Variants in GPHN observed in about 807,000 individuals in gnomAD.
GPHN encodes gephyrin.
GPHN carries 17 observed loss-of-function variants against 95.5 expected under a neutral mutation model. That is an observed-to-expected ratio of 0.18 (90% CI 0.12 to 0.27). The LOEUF is 0.27. Ranked by LOEUF, GPHN falls within the 10% of genes least tolerant of loss-of-function variation. GPHN has a pLI of 1.00. For missense variants in GPHN, 660 were observed against 978.1 expected, an observed-to-expected ratio of 0.67 and a Z score of 4.34; for synonymous variants, 320 against 322.5, an observed-to-expected ratio of 0.99 and a Z score of 0.08.
At chr14:66,812,406 A>G (rs1364356956) in intron 3 of GPHN, among the ~76,000 whole-genome samples, 1 of 152,254 alleles carries the variant, frequency 6.6e-6, no homozygotes, top group Non-Finnish European at 1.5e-5. Flanking sequence ...TCACAAAGAA[A>G]CAAGTGAACA....
At chr14:67,712,493 C>CAAAA in the GPHN span, among the ~76,000 whole-genome samples, 38 of 38,914 alleles carry the variant, frequency 9.8e-4, no homozygotes, top group East Asian at 2.7e-3. Context: ...AAAAAACTTG[C>CAAAA]AAAAAAAAAA....
chr14:67,592,752 G>A, the GPHN span: 14 of 1,238,646 alleles, frequency 1.1e-5, no homozygotes, highest in Non-Finnish European at 1.4e-5. Context: ...CAAAGTCTAA[G>A]TGAAACTCAT....
chr14:67,382,341 T>G, the GPHN span: 2 of 1,043,878 alleles, frequency 1.9e-6, no homozygotes, highest in Non-Finnish European at 1.4e-6. Flanking sequence ...GCAATTACGT[T>G]TTGGGGTGAT....
intron 13 of GPHN, 21 bp from the exon 14 acceptor site, chr14:67,110,119 C>T: frequency 6.2e-7 from 1 of 1,611,522 alleles, no homozygotes; most frequent in Non-Finnish European, 8.5e-7. Context: ...CATCAACTGT[C>T]TTTTTCATCT....
Position 66,785,762 on chromosome 14 carries a change from A to G in GPHN, c.201+9241A>G, listed in dbSNP as rs115745986. Among the ~76,000 whole-genome samples the G allele has an allele frequency of 4.8e-3, 732 of 152,084 alleles. 11 individuals carry two copies. Among genetic ancestry groups the G allele is most frequent in the African/African-American group, 0.017 (704 of 41,556 alleles). Reference sequence around the variant, plus strand: ...AAAAAAAAACAGAAAAATATCAGGAAAAGCTCTAATACATGCCAGAGGAAA... The same window carrying G: ...AAAAAAAAACAGAAAAATATCAGGAGAAGCTCTAATACATGCCAGAGGAAA... On this transcript the variant is annotated intron_variant, in intron 3 of 22. Transcript: ENST00000478722.
At chr14:66,760,548 GT>G in intron 2 of GPHN, 1 of 304,726 alleles carries the variant, frequency 3.3e-6, no homozygotes, top group South Asian at 3.7e-5. Flanking sequence ...ATCGAGAAGT[GT>G]TATTTCTGTT....
At chr14:67,333,901 G>A in the GPHN span, 2 of 152,566 alleles carry the variant, frequency 1.3e-5, no homozygotes, top group Non-Finnish European at 2.9e-5. Flanking sequence ...TTTTATGTAT[G>A]AGCACAGTAT....
chr14:67,695,880 C>A, the GPHN span: 1 of 602,826 alleles, frequency 1.7e-6, no homozygotes, highest in Non-Finnish European at 3.0e-6. Context: ...CTGCCGCCAA[C>A]GCTGGCAGAA....
At chr14:67,315,385 TTC>T in the GPHN span, among the ~76,000 whole-genome samples, 1 of 150,974 alleles carries the variant, frequency 6.6e-6, no homozygotes, top group Non-Finnish European at 1.5e-5. Flanking sequence ...CATGCCCTTC[TTC>T]TCTCTCAGTC....
chr14:67,368,435 G>A, the GPHN span, among the ~76,000 whole-genome samples: 1 of 152,114 alleles, frequency 6.6e-6, no homozygotes, highest in East Asian at 1.9e-4. Flanking sequence ...CTCCACAAAT[G>A]TCAGAGCCTC....
At chr14:67,397,773 C>T in the GPHN span, 96 of 1,613,178 alleles carry the variant, frequency 6.0e-5, no homozygotes, top group Non-Finnish European at 7.2e-5. Flanking sequence ...AGTACACCAG[C>T]GTGTTCTGCC....
chr14:67,474,560 T>TTG, the GPHN span, among the ~76,000 whole-genome samples: 1 of 152,098 alleles, frequency 6.6e-6, no homozygotes, highest in African/African-American at 2.4e-5. Flanking sequence ...ACATTTGTCC[T>TTG]TGTGTGTGTG....
the GPHN span, chr14:67,656,346 T>C: frequency 1.4e-6 from 2 of 1,428,690 alleles, no homozygotes; most frequent in African/African-American, 1.4e-5. Context: ...TTGGCCTTAG[T>C]ACGGTTTCCA....
chr14:66,730,579 A>G (rs2153433507), intron 2 of GPHN, among the ~76,000 whole-genome samples: 1 of 152,308 alleles, frequency 6.6e-6, no homozygotes, highest in South Asian at 2.1e-4. Context: ...TAAAGCTTAA[A>G]TGAAGAAAAG....
chr14:66,589,760 TAGAC>T (rs1462829766), intron 1 of GPHN, among the ~76,000 whole-genome samples: 1 of 152,078 alleles, frequency 6.6e-6, no homozygotes, highest in Non-Finnish European at 1.5e-5. Flanking sequence ...CTGTCAATAT[TAGAC>T]AGCTCAATGA....
chr14:66,777,978 A>T (rs2059446751), intron 3 of GPHN, among the ~76,000 whole-genome samples: 1 of 152,156 alleles, frequency 6.6e-6, no homozygotes, highest in South Asian at 2.1e-4. Context: ...GGCCAGGGCA[A>T]TCAGGCAGGA....
chr14:67,501,051 T>G, the GPHN span, among the ~76,000 whole-genome samples: 4 of 125,178 alleles, frequency 3.2e-5, no homozygotes, highest in African/African-American at 5.9e-5. Context: ...GGGTTAATAA[T>G]AATAATAATA....
chr14:67,695,843 C>A, the GPHN span: 1 of 721,846 alleles, frequency 1.4e-6, no homozygotes, highest in Non-Finnish European at 2.3e-6. Context: ...CAGAGCTTGA[C>A]AGCCTCAGGC....
At chr14:66,702,782 T>C (rs148674579) in intron 2 of GPHN, among the ~76,000 whole-genome samples, 1 of 152,074 alleles carries the variant, frequency 6.6e-6, no homozygotes, top group East Asian at 1.9e-4. Flanking sequence ...AGGAACCTGA[T>C]AGAGGATGAG....
Sources: gnomAD v4.1 joint callset for allele counts (sites outside exome capture counted in the v4.1 genomes callset) on GRCh38, gnomAD v4.1.1 for gene constraint, MANE v1.5 for transcripts, NCBI Gene and HGNC (gene_info 2026-07-23, HGNC 2026-07-21) for gene names.